The following LARGE1 variants were observed in gnomAD, a reference collection of about 807,000 sequenced individuals.
LARGE1 encodes xylosyl- and glucuronyltransferase LARGE1.
LARGE1 carries 43 observed loss-of-function variants against 87.6 expected under a neutral mutation model. The observed-to-expected ratio is 0.49, with a 90% confidence interval of 0.38 to 0.63. LARGE1 has a LOEUF of 0.63. Among genes scored for constraint, LARGE1 ranks in the 30% least tolerant of loss-of-function variants. The pLI is 0.00. For synonymous variants in LARGE1, 434 were observed against 394.6 expected, an observed-to-expected ratio of 1.10 and a Z score of -1.18; for missense variants, 802 against 1,000.2, an observed-to-expected ratio of 0.80 and a Z score of 2.67.
chr22:33,406,630 G>A (rs766143628), intron 7 of LARGE1, among the ~76,000 whole-genome samples: 2 of 152,078 alleles, frequency 1.3e-5, no homozygotes, highest in Non-Finnish European at 2.9e-5. Context: ...CCCATTATCC[G>A]CATTTTCAGG....
At position 33,169,842 on chromosome 22, in the gene LARGE1, C is replaced by T. The variant is rs542086585; in HGVS notation, c.1731-3010G>A. ...CTCCAGCCTGGGTGATAGAGCAAGA[C>T]TCTCTCTCAAAAAAGGAAAAAAAAA... On this transcript the variant is annotated intron_variant, in intron 11 of 11. Transcript: ENST00000608642. Among the ~76,000 whole-genome samples the T allele has an allele frequency of 9.8e-4, 149 of 151,452 alleles. 1 individual carries two copies. Among genetic ancestry groups the T allele is most frequent in the African/African-American group, 3.5e-3 (143 of 41,286 alleles).
At chr22:33,166,137 C>T (rs1471143724) in exon 12 of LARGE1, 1 of 152,200 alleles carries the variant, frequency 6.6e-6, no homozygotes, top group Non-Finnish European at 1.5e-5. Context: ...CTGTGAAATG[C>T]ATGAATTTCA....
At chr22:33,399,491 G>T (rs1041956733) in intron 7 of LARGE1, among the ~76,000 whole-genome samples, 6 of 152,174 alleles carry the variant, frequency 3.9e-5, no homozygotes, top group African/African-American at 1.4e-4. Flanking sequence ...AATCCTTTGG[G>T]TATATACCCA....
In LARGE1 at chr22:33,277,185, G is replaced by T. The variant is rs1408447253; in HGVS notation, c.1948C>A (p.Arg650=). 8 of 1,614,122 alleles carry T rather than the reference G, an allele frequency of 5.0e-6. No homozygotes were observed. The highest frequency in any genetic ancestry group is 1.3e-5 in the African/African-American group (1 of 74,938). The change falls in exon 14 of 15, where the codon CGG becomes AGG. Residue 650 remains arginine (R), a synonymous_variant. Coordinates refer to ENST00000397394, the MANE Select transcript of LARGE1 (RefSeq NM_133642.5). ...AKWRTATTPY[R]VEWEADFEPY... is the part of the protein sequence containing the mutation. ...TCAAAATCGGCCTCCCACTCAACCC[G>T]GTAAGGCGTGGTGGCGGTCCGCCAC...
chr22:33,338,879 G>A (rs1320502897), intron 9 of LARGE1, among the ~76,000 whole-genome samples: 1 of 152,154 alleles, frequency 6.6e-6, no homozygotes, highest in Non-Finnish European at 1.5e-5. Context: ...CGGGTGCGGT[G>A]GCTCATGCCT....
At chr22:33,498,920 C>G (rs1047512459) in intron 6 of LARGE1, among the ~76,000 whole-genome samples, 2 of 151,858 alleles carry the variant, frequency 1.3e-5, no homozygotes, top group Non-Finnish European at 2.9e-5. Context: ...TGCAGTGAGC[C>G]GAGATCGCGC....
At chr22:33,921,035 C>T (rs1365185589), upstream of LARGE1, among the ~76,000 whole-genome samples, 1 of 150,158 alleles carries the variant, frequency 6.7e-6, no homozygotes, top group Non-Finnish European at 1.5e-5. This position sits in a 1 kb window ranked among gnomAD's most constrained non-coding sequence, Gnocchi z 4.1. Context: ...GTCTGTGCAG[C>T]CGGGGGGGAC....
At chr22:33,763,975 G>C (rs527689934) in intron 1 of LARGE1, among the ~76,000 whole-genome samples, 3 of 147,720 alleles carry the variant, frequency 2.0e-5, no homozygotes, top group Non-Finnish European at 4.5e-5. Flanking sequence ...TCAGCCTCCC[G>C]AGTAGCTGGG....
chr22:33,408,391 G>GTCTC (rs1243552772), intron 7 of LARGE1, among the ~76,000 whole-genome samples: 8 of 152,338 alleles, frequency 5.3e-5, no homozygotes, highest in Admixed American at 1.3e-4. Flanking sequence ...GTCCGAGGTT[G>GTCTC]GAGAGGCAGA....
chr22:33,160,768 C>G (rs572166622), downstream of LARGE1, among the ~76,000 whole-genome samples: 1 of 152,224 alleles, frequency 6.6e-6, no homozygotes, highest in Non-Finnish European at 1.5e-5. Context: ...CCTTTTCATA[C>G]AGCATTTGCT....
intron 1 of LARGE1, among the ~76,000 whole-genome samples, chr22:33,853,190 T>C (rs1568987667): frequency 6.6e-6 from 1 of 152,116 alleles, no homozygotes; most frequent in Non-Finnish European, 1.5e-5. Flanking sequence ...GACCACACAA[T>C]TTGATGATAG....
the LARGE1 span, among the ~76,000 whole-genome samples, chr22:33,126,502 G>A: frequency 1.3e-5 from 2 of 152,104 alleles, no homozygotes; most frequent in African/African-American, 4.8e-5. Context: ...ATCAATGCTT[G>A]CTGAATTGAA....
At chr22:33,854,690 G>T (rs2146534820) in intron 1 of LARGE1, among the ~76,000 whole-genome samples, 1 of 148,016 alleles carries the variant, frequency 6.8e-6, no homozygotes, top group East Asian at 1.9e-4. Context: ...AAAAAAAAAG[G>T]TCCAATTTAA....
At chr22:33,222,811 T>C (rs995794351) in intron 11 of LARGE1, among the ~76,000 whole-genome samples, 3 of 152,168 alleles carry the variant, frequency 2.0e-5, no homozygotes, top group African/African-American at 7.2e-5. Flanking sequence ...CCTGGTTTTT[T>C]GGCAATTTGT....
In LARGE1 at chr22:33,359,711, C is replaced by T. The variant is rs906682043; in HGVS notation, c.1132-21910G>A. Among the ~76,000 whole-genome samples, 42 of 149,310 alleles carry T rather than the reference C, an allele frequency of 2.8e-4. 1 individual carries two copies. Among genetic ancestry groups the T allele is most frequent in the African/African-American group, 8.9e-4 (36 of 40,646 alleles). ...CTCGAGTAGCTGGGACTACAGGCGCCCACCACCACGCCCGGCTAATTTTTT... is the reference window on the plus strand; with the variant it reads ...CTCGAGTAGCTGGGACTACAGGCGCTCACCACCACGCCCGGCTAATTTTTT... On this transcript the variant is annotated intron_variant, in intron 9 of 14. Coordinates refer to ENST00000397394, the MANE Select transcript of LARGE1 (RefSeq NM_133642.5).
At chr22:33,483,611 G>A (rs2069430222) in intron 6 of LARGE1, among the ~76,000 whole-genome samples, 1 of 151,698 alleles carries the variant, frequency 6.6e-6, no homozygotes, top group Non-Finnish European at 1.5e-5. Flanking sequence ...AGTAGCCAAG[G>A]GGAACGAAAT....
chr22:33,811,877 T>C (rs28620791), intron 1 of LARGE1, among the ~76,000 whole-genome samples: 1 of 152,088 alleles, frequency 6.6e-6, no homozygotes. Context: ...CCAGGGATAA[T>C]GGGAGCCCAG....
intron 11 of LARGE1, among the ~76,000 whole-genome samples, chr22:33,210,408 G>A (rs865941277): frequency 2.0e-5 from 3 of 152,230 alleles, no homozygotes; most frequent in Non-Finnish European, 4.4e-5. Context: ...GCGGAACCTG[G>A]TCTGTGTGCC....
At chr22:33,910,838 A>G (rs1193621110) in intron 1 of LARGE1, among the ~76,000 whole-genome samples, 2 of 152,218 alleles carry the variant, frequency 1.3e-5, no homozygotes, top group African/African-American at 4.8e-5. Flanking sequence ...GAAGCCTAGT[A>G]GGCTAGGAAC....
Sources: gnomAD v4.1 joint callset for allele counts (sites outside exome capture counted in the v4.1 genomes callset) on GRCh38, gnomAD v4.1.1 for gene constraint, Gnocchi (gnomAD v3.1) non-coding constraint, MANE v1.5 for transcripts, NCBI Gene and HGNC (gene_info 2026-07-23, HGNC 2026-07-21) for gene names.